Variants in RAB22A observed in about 807,000 individuals in gnomAD.
RAB22A encodes RAB22A, member RAS oncogene family.
Under a neutral mutation model 30.2 loss-of-function variants are expected in RAB22A, and 13 were observed. That is an observed-to-expected ratio of 0.43 (90% confidence interval 0.28 to 0.68). The LOEUF is 0.68. RAB22A is among the 30% of genes least tolerant of loss of function. The pLI is 0.18. For synonymous variants in RAB22A, 89 were observed against 87.2 expected, an observed-to-expected ratio of 1.02 and a Z score of -0.11; for missense variants, 177 against 246.8, an observed-to-expected ratio of 0.72 and a Z score of 1.89.
At chr20:58,319,104 T>C (rs1465314060) in intron 2 of RAB22A, among the ~76,000 whole-genome samples, 1 of 152,082 alleles carries the variant, frequency 6.6e-6, no homozygotes, top group Non-Finnish European at 1.5e-5. Context: ...CACACACACA[T>C]ACATGTCATT....
rs181187772 is a variant in RAB22A at position 58,315,807 on chromosome 20, G to T, written c.116+4685G>T. ...CTCATCCTATCTTGCCGGGGCTATTGAGCTGATTTCAGAACCAGTTATTCT... is the reference window on the plus strand; with the variant it reads ...CTCATCCTATCTTGCCGGGGCTATTTAGCTGATTTCAGAACCAGTTATTCT... On this transcript the variant is annotated intron_variant, in intron 2 of 6. Transcript: ENST00000244040. Among the ~76,000 whole-genome samples the T allele has an allele frequency of 2.6e-5, 4 of 151,982 alleles. No individual in the cohort carries two copies. In the East Asian group the frequency reaches 7.7e-4, roughly 29 times the overall value.
intron 6 of RAB22A, among the ~76,000 whole-genome samples, chr20:58,354,531 C>A (rs758985240): frequency 3.9e-5 from 6 of 152,136 alleles, no homozygotes; most frequent in Non-Finnish European, 5.9e-5. Flanking sequence ...CCATTTCTTT[C>A]TCTATTTAAA....
At chr20:58,316,204 A>G (rs1465470022) in intron 2 of RAB22A, among the ~76,000 whole-genome samples, 1 of 152,220 alleles carries the variant, frequency 6.6e-6, no homozygotes, top group Non-Finnish European at 1.5e-5. Context: ...GAGATGGACC[A>G]GGTAGAAACA....
chr20:58,335,049 T>C (rs1165975356), intron 2 of RAB22A, among the ~76,000 whole-genome samples: 2 of 152,208 alleles, frequency 1.3e-5, no homozygotes, highest in Admixed American at 6.5e-5. Context: ...CAAAGTGCGA[T>C]ATAGTCACGC....
intron 6 of RAB22A, 40 bp from the exon 7 acceptor site, chr20:58,359,566 G>C: frequency 2.1e-6 from 3 of 1,416,990 alleles, no homozygotes; most frequent in Non-Finnish European, 2.9e-6. Flanking sequence ...GTCTGAGAAA[G>C]TTAAAGCTCA....
chr20:58,339,574 G>A (rs1365426855), intron 2 of RAB22A, among the ~76,000 whole-genome samples: 1 of 152,194 alleles, frequency 6.6e-6, no homozygotes, highest in African/African-American at 2.4e-5. Context: ...AGGTTCAAGT[G>A]TAGATTAAAT....
intron 1 of RAB22A, 48 bp from the exon 2 acceptor site, chr20:58,310,995 T>G: frequency 6.8e-7 from 1 of 1,480,248 alleles, no homozygotes; most frequent in Non-Finnish European, 9.4e-7. Flanking sequence ...TTTTGGTGTC[T>G]GCCAAAAGGT....
intron 2 of RAB22A, among the ~76,000 whole-genome samples, chr20:58,338,195 T>C (rs1051623770): frequency 6.6e-6 from 1 of 151,926 alleles, no homozygotes; most frequent in African/African-American, 2.4e-5. Flanking sequence ...CCCGGCTAAT[T>C]TTTGTATTTT....
intron 2 of RAB22A, among the ~76,000 whole-genome samples, chr20:58,324,069 T>C (rs1382669059): frequency 6.6e-6 from 1 of 152,194 alleles, no homozygotes; most frequent in Non-Finnish European, 1.5e-5. Context: ...ATGTCAGATT[T>C]GGCATCAGTG....
In RAB22A at chr20:58,312,175, G is replaced by A. The variant is rs6015248; in HGVS notation, c.116+1053G>A. On this transcript the variant is annotated intron_variant, in intron 2 of 6. Transcript: ENST00000244040. Reference sequence around the variant, plus strand: ...TCACCGTGTTTGCCATGCTGGTCTCGAACTCCTAACCTCAGGTGATCTGCC... The same window carrying A: ...TCACCGTGTTTGCCATGCTGGTCTCAAACTCCTAACCTCAGGTGATCTGCC... Among the ~76,000 whole-genome samples the A allele has an allele frequency of 4.9e-3, 749 of 152,006 alleles. 3 individuals carry two copies. Among genetic ancestry groups the A allele is most frequent in the African/African-American group, 0.017 (712 of 41,452 alleles).
intron 2 of RAB22A, among the ~76,000 whole-genome samples, chr20:58,339,447 T>C (rs559181142): frequency 6.6e-6 from 1 of 152,348 alleles, no homozygotes; most frequent in South Asian, 2.1e-4. Context: ...TCATTTAACT[T>C]GATCGTTAAA....
chr20:58,319,801 T>G (rs1390877198), intron 2 of RAB22A, among the ~76,000 whole-genome samples: 1 of 152,238 alleles, frequency 6.6e-6, no homozygotes, highest in Non-Finnish European at 1.5e-5. Context: ...AGATGTTCCC[T>G]TCTATTCCTG....
chr20:58,321,962 C>G (rs1241785386), intron 2 of RAB22A, among the ~76,000 whole-genome samples: 1 of 152,176 alleles, frequency 6.6e-6, no homozygotes, highest in Non-Finnish European at 1.5e-5. Flanking sequence ...CCACATCTGG[C>G]TAATTTTTTT....
chr20:58,318,474 G>A (rs1174776808), intron 2 of RAB22A, among the ~76,000 whole-genome samples: 1 of 151,976 alleles, frequency 6.6e-6, no homozygotes, highest in Non-Finnish European at 1.5e-5. Flanking sequence ...GGAGTATTTT[G>A]GATTTTTGGA....
chr20:58,340,637 G>A (rs1440969877), intron 2 of RAB22A, among the ~76,000 whole-genome samples: 6 of 152,132 alleles, frequency 3.9e-5, no homozygotes, highest in Admixed American at 3.9e-4. Flanking sequence ...AAGAGTTACA[G>A]CGAGGCCCCT....
intron 3 of RAB22A, among the ~76,000 whole-genome samples, chr20:58,349,195 T>TA (rs1313973215): frequency 1.3e-5 from 2 of 152,118 alleles, no homozygotes; most frequent in Non-Finnish European, 2.9e-5. Context: ...GACAAAGCTT[T>TA]AAAAAAACAA....
chr20:58,332,812 A>G (rs923788372), intron 2 of RAB22A, among the ~76,000 whole-genome samples: 3 of 152,082 alleles, frequency 2.0e-5, no homozygotes, highest in Admixed American at 2.0e-4. Context: ...TAGGTATATC[A>G]TAGTCAAACT....
chr20:58,317,608 G>T (rs1986369552), intron 2 of RAB22A, among the ~76,000 whole-genome samples: 1 of 147,128 alleles, frequency 6.8e-6, no homozygotes, highest in Admixed American at 6.8e-5. Flanking sequence ...GCCCAGGCTG[G>T]AGTGCAGTGG....
chr20:58,330,795 C>A (rs1373813423), intron 2 of RAB22A, among the ~76,000 whole-genome samples: 1 of 152,196 alleles, frequency 6.6e-6, no homozygotes, highest in Non-Finnish European at 1.5e-5. Flanking sequence ...CAACTTTTCT[C>A]CCCTACAGTT....
Sources: gnomAD v4.1 joint callset for allele counts (sites outside exome capture counted in the v4.1 genomes callset) on GRCh38, gnomAD v4.1.1 for gene constraint, MANE v1.5 for transcripts, NCBI Gene and HGNC (gene_info 2026-07-23, HGNC 2026-07-21) for gene names.